C12orf56: variants seen among roughly 807,000 people sequenced by gnomAD.
The protein encoded by C12orf56 is chromosome 12 open reading frame 56.
A neutral mutation model predicts 69.9 loss-of-function variants in C12orf56; 71 were observed. The observed-to-expected ratio is 1.02, with a 90% confidence interval of 0.84 to 1.24. The LOEUF (loss-of-function observed/expected upper bound fraction) is 1.24. Ranked by LOEUF, C12orf56 falls within the 50% of genes most tolerant of loss-of-function variation. C12orf56 has a pLI of 0.00. For synonymous variants in C12orf56, 276 were observed against 274.1 expected (o/e 1.01, Z -0.07); for missense variants, 732 against 738.5 (o/e 0.99, Z 0.10).
chr12:64,311,127 AT>A, intron 5 of C12orf56, among the ~76,000 whole-genome samples: 1 of 152,156 alleles, frequency 6.6e-6, no homozygotes, highest in South Asian at 2.1e-4. Flanking sequence ...ATTGTTGGAC[AT>A]TTGGGTTGGT....
chr12:64,269,171 GT>G (rs1301582625), intron 12 of C12orf56, among the ~76,000 whole-genome samples: 4 of 150,788 alleles, frequency 2.7e-5, no homozygotes, highest in Non-Finnish European at 4.4e-5. Flanking sequence ...TTGGACTGTA[GT>G]TTTTTTTTAA....
chr12:64,349,126 G>A (rs2039187578), intron 2 of C12orf56, among the ~76,000 whole-genome samples: 1 of 152,054 alleles, frequency 6.6e-6, no homozygotes, highest in African/African-American at 2.4e-5. Context: ...CTATACATCT[G>A]ACAAAGGACT....
chr12:64,383,370 AC>A (rs2039746547), intron 1 of C12orf56, among the ~76,000 whole-genome samples: 2 of 151,664 alleles, frequency 1.3e-5, no homozygotes, highest in African/African-American at 4.8e-5. Flanking sequence ...TTTCCTGATT[AC>A]AAATGAGAGA....
At chr12:64,340,518 A>C (rs1026312133) in intron 2 of C12orf56, among the ~76,000 whole-genome samples, 1 of 152,196 alleles carries the variant, frequency 6.6e-6, no homozygotes, top group African/African-American at 2.4e-5. Flanking sequence ...TAATACAACT[A>C]TCCTTTGTAC....
At chr12:64,359,351 G>A (rs1178221498) in intron 1 of C12orf56, among the ~76,000 whole-genome samples, 1 of 152,030 alleles carries the variant, frequency 6.6e-6, no homozygotes, top group African/African-American at 2.4e-5. Flanking sequence ...AGGCTCCCAT[G>A]TCACATAAAA....
intron 1 of C12orf56, among the ~76,000 whole-genome samples, chr12:64,386,686 G>A (rs1158652730): frequency 2.0e-5 from 3 of 151,836 alleles, no homozygotes; most frequent in East Asian, 3.9e-4. Context: ...GTGAGCCACC[G>A]TACCTGGCCA....
At chr12:64,334,578 A>T (rs2038969520) in intron 2 of C12orf56, among the ~76,000 whole-genome samples, 1 of 152,212 alleles carries the variant, frequency 6.6e-6, no homozygotes, top group South Asian at 2.1e-4. Context: ...TTTAGGGAAT[A>T]ATGACAAGAA....
At chr12:64,283,575 C>T (rs774838269) in intron 8 of C12orf56, among the ~76,000 whole-genome samples, 3 of 152,136 alleles carry the variant, frequency 2.0e-5, no homozygotes, top group Non-Finnish European at 4.4e-5. Context: ...AAGTTCTCAC[C>T]AGGAGAATGT....
intron 4 of C12orf56, 125 bp from the exon 5 acceptor site, chr12:64,312,877 A>T: frequency 1.6e-6 from 1 of 644,176 alleles, no homozygotes; most frequent in Non-Finnish European, 2.5e-6. Context: ...TGTTTATAAA[A>T]CTCATTCTAG....
chr12:64,351,539 G>A (rs2039221893), intron 2 of C12orf56, among the ~76,000 whole-genome samples: 1 of 152,118 alleles, frequency 6.6e-6, no homozygotes, highest in Non-Finnish European at 1.5e-5. Flanking sequence ...TAAATGAAGG[G>A]AACTCGACGG....
chr12:64,342,496 A>G (rs2039087219), intron 2 of C12orf56, among the ~76,000 whole-genome samples: 1 of 152,236 alleles, frequency 6.6e-6, no homozygotes, highest in African/African-American at 2.4e-5. Context: ...GGCCAGTGAT[A>G]CAGGCTAGGG....
At chr12:64,285,151 C>T (rs2136766570) in intron 7 of C12orf56, among the ~76,000 whole-genome samples, 1 of 149,628 alleles carries the variant, frequency 6.7e-6, no homozygotes, top group African/African-American at 2.5e-5. Context: ...CACACCAATG[C>T]ACTCCCTCTG....
intron 1 of C12orf56, among the ~76,000 whole-genome samples, chr12:64,367,259 A>G (rs111942849): frequency 0.014 from 1,592 of 117,564 alleles, 124 homozygotes; most frequent in African/African-American, 0.027. Flanking sequence ...TATATTATAT[A>G]TAATATACAG....
chr12:64,375,787 A>C (rs1470413742), intron 1 of C12orf56, among the ~76,000 whole-genome samples: 3 of 152,114 alleles, frequency 2.0e-5, no homozygotes, highest in Non-Finnish European at 4.4e-5. Flanking sequence ...ATATTGTTCT[A>C]AAGTGTCATC....
intron 2 of C12orf56, chr12:64,338,137 A>G: frequency 4.3e-5 from 23 of 531,768 alleles, no homozygotes; most frequent in South Asian, 3.5e-4. Flanking sequence ...ACATCACAGC[A>G]GGAGAGCTGA....
chr12:64,330,698 A>C (rs1239054009), intron 3 of C12orf56, among the ~76,000 whole-genome samples: 1 of 152,230 alleles, frequency 6.6e-6, no homozygotes, highest in African/African-American at 2.4e-5. Context: ...ATGTCTTTGA[A>C]TTTAATTTTA....
At chr12:64,324,273 C>T (rs185525050) in intron 3 of C12orf56, among the ~76,000 whole-genome samples, 32 of 152,358 alleles carry the variant, frequency 2.1e-4, no homozygotes, top group African/African-American at 7.5e-4. Context: ...ATCTAGGTCC[C>T]AGCTCTCATG....
intron 5 of C12orf56, 91 bp from the exon 6 acceptor site, chr12:64,303,870 T>C (rs1337697881): frequency 7.3e-7 from 1 of 1,363,022 alleles, no homozygotes. Context: ...TTTGTTAAAC[T>C]TTGTTACTAA....
chr12:64,370,035 A>AT (rs2039549472), intron 1 of C12orf56, among the ~76,000 whole-genome samples: 1 of 151,304 alleles, frequency 6.6e-6, no homozygotes, highest in African/African-American at 2.4e-5. Context: ...AGTGTTACAA[A>AT]ATAAGATGCT....
Sources: allele counts gnomAD v4.1 joint callset (sites outside exome capture counted in the v4.1 genomes callset), GRCh38; gene constraint gnomAD v4.1.1; transcripts MANE v1.5; gene names NCBI Gene and HGNC (gene_info 2026-07-23, HGNC 2026-07-21).